The following CUL3 variants were observed in gnomAD, a reference collection of about 807,000 sequenced individuals.
The protein encoded by CUL3 is cullin-3.
A neutral mutation model predicts 89.1 loss-of-function variants in CUL3; 19 were observed. The observed-to-expected ratio is 0.21, with a 90% CI of 0.15 to 0.31. The LOEUF (loss-of-function observed/expected upper bound fraction) is 0.31, where lower values mean the gene tolerates loss of function less well. Ranked by LOEUF, CUL3 falls within the 10% of genes least tolerant of loss-of-function variation. The pLI, the probability that CUL3 is intolerant of heterozygous loss-of-function variation, is 1.00. For missense variants in CUL3, 469 were observed against 942.3 expected (o/e 0.50, Z 6.58); for synonymous variants, 351 against 308.4 (o/e 1.14, Z -1.45).
intron 1 of CUL3, among the ~76,000 whole-genome samples, chr2:224,561,179 T>C (rs1350121096): frequency 1.3e-5 from 2 of 152,190 alleles, no homozygotes; most frequent in Admixed American, 6.5e-5. Flanking sequence ...GCAGGGATCT[T>C]TTTTTCACTG....
chr2:224,512,222 A>G (rs1219690724), intron 5 of CUL3, among the ~76,000 whole-genome samples: 1 of 151,844 alleles, frequency 6.6e-6, no homozygotes, highest in African/African-American at 2.4e-5. Flanking sequence ...CAGCCTCCCG[A>G]GTAGCTGGGA....
At chr2:224,541,738 T>C (rs1047367267) in intron 2 of CUL3, among the ~76,000 whole-genome samples, 4 of 152,100 alleles carry the variant, frequency 2.6e-5, no homozygotes, top group African/African-American at 4.8e-5. Flanking sequence ...AACAAATTAT[T>C]GATAGAATAG....
chr2:224,514,729 T>C lies in CUL3; in HGVS notation c.422A>G (p.Asn141Ser), dbSNP rs200745447. 1.2e-5 allele frequency: 20 copies of C among 1,613,372 alleles called. No homozygotes were observed. The highest frequency in any genetic ancestry group is 1.7e-5 in the Non-Finnish European group (20 of 1,179,408). Residue 141 changes from asparagine to serine, a missense_variant, in exon 4 of 16, where the codon AAT (asparagine) becomes AGT (serine). Asn to Ser is a conservative substitution (Grantham distance 46). This residue lies in a region of CUL3 where 370 missense variants were observed against 733.2 expected (regional missense o/e 0.50). Transcript: ENST00000264414. ...VQQNNVENVYNLGLIIFRDQV... is the reference protein window; with the variant it reads ...VQQNNVENVYSLGLIIFRDQV... ...ATCTCGAAAAATAATTAATCCCAAA[T>C]TGTAGACGTTCTCCACATTATTTTG... is the stretch of plus-strand genomic sequence containing the variant.
At chr2:224,525,249 G>A (rs1212761643) in intron 3 of CUL3, among the ~76,000 whole-genome samples, 1 of 152,204 alleles carries the variant, frequency 6.6e-6, no homozygotes, top group African/African-American at 2.4e-5. Context: ...GCACAGTGGT[G>A]AAGACCATGA....
chr2:224,498,641 C>A (rs187757249), intron 11 of CUL3, among the ~76,000 whole-genome samples: 113 of 152,292 alleles, frequency 7.4e-4, no homozygotes, highest in African/African-American at 2.6e-3. Flanking sequence ...ACTCTTGCAA[C>A]AGCGTGTTAT....
Position 224,505,968 on chromosome 2 carries a change from CT to C in CUL3, c.1193del (p.Lys398ArgfsTer6), listed in dbSNP as rs1232071537. On this transcript the variant is annotated frameshift_variant, in exon 8 of 16. Coordinates refer to ENST00000264414, the MANE Select transcript of CUL3 (RefSeq NM_003590.5). LOFTEE classifies it high-confidence loss of function. ...LSLFIDDKLK[K>X]GVKGLTEQEV... ...CATTACTACTTACCCCTTTGACTCC[CT>C]TTTTCAGCTTATCATCAATAAATAA... The C allele has an allele frequency of 3.1e-6, 5 of 1,592,194 alleles. No individual in the cohort carries two copies. Among genetic ancestry groups the C allele is most frequent in the East Asian group, 2.3e-5 (1 of 44,298 alleles).
chr2:224,540,265 C>T (rs1290196588), intron 2 of CUL3, among the ~76,000 whole-genome samples: 1 of 151,964 alleles, frequency 6.6e-6, no homozygotes, highest in African/African-American at 2.4e-5. Flanking sequence ...ACCTTGTTAG[C>T]CAGGCTGGTC....
At chr2:224,584,787 C>T (rs1200303947) in intron 1 of CUL3, among the ~76,000 whole-genome samples, 157 bp downstream of exon 1, 2 of 146,494 alleles carry the variant, frequency 1.4e-5, no homozygotes, top group Non-Finnish European at 3.0e-5. Context: ...GGCCCCGCGC[C>T]GCCCGGTTGC....
chr2:224,478,502 A>ATTTC (rs71062929), intron 14 of CUL3, 157 bp from the exon 15 acceptor site: 1 of 543,010 alleles, frequency 1.8e-6, no homozygotes, highest in Admixed American at 3.4e-5. Flanking sequence ...AAACTGTCTT[A>ATTTC]ATGTTTACTT....
chr2:224,493,190 C>T (rs1271217194), intron 13 of CUL3, among the ~76,000 whole-genome samples: 1 of 152,200 alleles, frequency 6.6e-6, no homozygotes, highest in Non-Finnish European at 1.5e-5. Context: ...AAATCACTAA[C>T]TTTTGAAATT....
intron 13 of CUL3, among the ~76,000 whole-genome samples, chr2:224,491,581 G>A (rs758408943): frequency 4.6e-5 from 7 of 151,918 alleles, no homozygotes; most frequent in Non-Finnish European, 1.0e-4. Flanking sequence ...TAGTATATTA[G>A]GACCTGCAGA....
chr2:224,532,404 A>C (rs1163929936), intron 3 of CUL3, among the ~76,000 whole-genome samples: 3 of 152,030 alleles, frequency 2.0e-5, no homozygotes, highest in African/African-American at 7.3e-5. Context: ...TTGTTACAGA[A>C]ATCAAGGAAA....
chr2:224,531,088 C>CT (rs36035608), intron 3 of CUL3, among the ~76,000 whole-genome samples: 23,966 of 136,910 alleles, frequency 0.18, 2,241 homozygotes, highest in South Asian at 0.28. Context: ...CTAAAATAGC[C>CT]TTTTTTTTTT....
intron 6 of CUL3, among the ~76,000 whole-genome samples, chr2:224,508,410 G>C (rs1692684290): frequency 6.6e-6 from 1 of 152,072 alleles, no homozygotes; most frequent in African/African-American, 2.4e-5. Context: ...TATTACAAAT[G>C]CAACAATCTA....
intron 3 of CUL3, among the ~76,000 whole-genome samples, chr2:224,523,505 T>G (rs1355430181): frequency 3.9e-5 from 6 of 152,046 alleles, no homozygotes; most frequent in African/African-American, 1.4e-4. Context: ...GAAAGCAATA[T>G]AGCAGTTCCT....
At chr2:224,547,157 TCTC>T (rs899815092) in intron 2 of CUL3, among the ~76,000 whole-genome samples, 37 of 152,052 alleles carry the variant, frequency 2.4e-4, no homozygotes, top group Non-Finnish European at 5.3e-4. Flanking sequence ...GACTACATCT[TCTC>T]CACTGCAGTC....
At chr2:224,476,677 CTG>C (rs1053941948) in intron 15 of CUL3, among the ~76,000 whole-genome samples, 1 of 152,218 alleles carries the variant, frequency 6.6e-6, no homozygotes, top group African/African-American at 2.4e-5. Flanking sequence ...TCAGTAACAT[CTG>C]TGTCAGTACA....
At chr2:224,482,171 G>A (rs942159452) in intron 13 of CUL3, 93 bp from the exon 14 acceptor site, 11 of 876,224 alleles carry the variant, frequency 1.3e-5, no homozygotes, top group Non-Finnish European at 1.9e-5. Context: ...GTTAAAAAGA[G>A]GTAATTCCAT....
intron 1 of CUL3, among the ~76,000 whole-genome samples, chr2:224,564,282 C>CAGAAA (rs1361969718): frequency 1.3e-5 from 2 of 152,160 alleles, no homozygotes; most frequent in Non-Finnish European, 2.9e-5. Flanking sequence ...GACTCTGTCT[C>CAGAAA]AGAAAAGAAA....
Sources: gnomAD v4.1 joint callset for allele counts (sites outside exome capture counted in the v4.1 genomes callset) on GRCh38, gnomAD v4.1.1 for gene constraint, gnomAD v4.1.1 regional missense constraint, MANE v1.5 for transcripts, NCBI Gene and HGNC (gene_info 2026-07-23, HGNC 2026-07-21) for gene names.